The following CFAP299 variants were observed in gnomAD, a reference collection of about 807,000 sequenced individuals.
The protein encoded by CFAP299 is cilia- and flagella-associated protein 299.
CFAP299 carries 21 observed loss-of-function variants against 27.0 expected under a neutral mutation model. That is an observed-to-expected ratio of 0.78 (90% CI 0.55 to 1.12). The LOEUF (loss-of-function observed/expected upper bound fraction) is 1.12. Among genes scored for constraint, CFAP299 ranks in the 50% most tolerant of loss-of-function variants. CFAP299 has a pLI of 0.00. For synonymous variants in CFAP299, 104 were observed against 98.1 expected, an observed-to-expected ratio of 1.06 and a Z score of -0.36; for missense variants, 310 against 276.6, an observed-to-expected ratio of 1.12 and a Z score of -0.86.
chr4:80,907,396 A>G (rs1436902765), intron 4 of CFAP299, among the ~76,000 whole-genome samples: 1 of 152,124 alleles, frequency 6.6e-6, no homozygotes, highest in African/African-American at 2.4e-5. Context: ...TCACTTCCAC[A>G]TTTTTGGATA....
chr4:80,911,223 T>C (rs1735456972), intron 4 of CFAP299, among the ~76,000 whole-genome samples: 1 of 151,378 alleles, frequency 6.6e-6, no homozygotes, highest in Non-Finnish European at 1.5e-5. Flanking sequence ...GTTGTTTTTT[T>C]TTTTTTTCTT....
intron 2 of CFAP299, among the ~76,000 whole-genome samples, chr4:80,451,131 A>T (rs1355584441): frequency 6.6e-6 from 1 of 152,142 alleles, no homozygotes; most frequent in Admixed American, 6.5e-5. Context: ...TGGAGGCTGG[A>T]AGTCCAAGAT....
At chr4:80,642,233 T>C (rs1739763768) in intron 3 of CFAP299, among the ~76,000 whole-genome samples, 1 of 152,194 alleles carries the variant, frequency 6.6e-6, no homozygotes, top group African/African-American at 2.4e-5. Context: ...GGAGGGGATA[T>C]GGTGAACATA....
intron 3 of CFAP299, among the ~76,000 whole-genome samples, chr4:80,690,635 T>G (rs973269406): frequency 8.1e-4 from 123 of 152,062 alleles, no homozygotes; most frequent in African/African-American, 2.9e-3. Flanking sequence ...TTAAAAGAAC[T>G]AGAAAAGCAA....
intron 3 of CFAP299, among the ~76,000 whole-genome samples, chr4:80,585,211 A>C (rs754401284): frequency 2.0e-5 from 3 of 152,100 alleles, no homozygotes; most frequent in Non-Finnish European, 1.5e-5. Flanking sequence ...GAAAGAGGGT[A>C]GTCTTTGGAG....
chr4:80,708,922 AT>A (rs1244335870), intron 3 of CFAP299, among the ~76,000 whole-genome samples: 2 of 152,172 alleles, frequency 1.3e-5, no homozygotes, highest in Admixed American at 1.3e-4. Flanking sequence ...AAAGATTAAT[AT>A]AGGGAACCAG....
intron 2 of CFAP299, among the ~76,000 whole-genome samples, chr4:80,409,340 T>C (rs1390693964): frequency 6.6e-6 from 1 of 152,140 alleles, no homozygotes; most frequent in Non-Finnish European, 1.5e-5. Context: ...GTGTTTGTAA[T>C]ATGTAGTATT....
At chr4:80,830,999 C>T (rs1214930887) in intron 3 of CFAP299, among the ~76,000 whole-genome samples, 1 of 152,064 alleles carries the variant, frequency 6.6e-6, no homozygotes, top group Non-Finnish European at 1.5e-5. Context: ...TGTTGGCTAA[C>T]ATGTTCAGTG....
rs1449735143 is a variant in CFAP299, at chr4:80,799,429, A to C, written c.334-70564A>C. 1.1e-3 allele frequency among the ~76,000 whole-genome samples: 102 copies of C among 92,462 alleles called. 1 individual carries two copies. The highest frequency in any genetic ancestry group is 4.5e-3 in the African/African-American group (98 of 21,936). The allele number at this position is 92,462 out of a possible 152,430, so 60.7% of individuals were successfully genotyped here. A position where few individuals can be genotyped will look rare whatever the true frequency, so the allele number is the denominator to read the frequency against. On this transcript the variant is annotated intron_variant, in intron 3 of 5. Transcript: ENST00000358105. ...TTTATACATATAAGTAATATTTATA[A>C]TATATATAATATTTATAAAATATAT...
intron 3 of CFAP299, among the ~76,000 whole-genome samples, chr4:80,845,552 T>A (rs1002952190): frequency 1.4e-4 from 22 of 152,272 alleles, no homozygotes; most frequent in South Asian, 6.2e-4. Context: ...CAAGACTATT[T>A]CCTGCCTTAG....
At chr4:80,728,153 A>C (rs1052770327) in intron 3 of CFAP299, among the ~76,000 whole-genome samples, 1 of 152,120 alleles carries the variant, frequency 6.6e-6, no homozygotes, top group African/African-American at 2.4e-5. Flanking sequence ...GTCAAAGCTC[A>C]GTAAGTTATT....
At chr4:80,386,889 G>A (rs1374897780) in intron 2 of CFAP299, 6 of 846,884 alleles carry the variant, frequency 7.1e-6, no homozygotes, top group Admixed American at 5.2e-5. Context: ...CTCGCACACC[G>A]AGCATTTGTA....
At chr4:80,577,141 G>T (rs1458113593) in intron 2 of CFAP299, among the ~76,000 whole-genome samples, 3 of 152,096 alleles carry the variant, frequency 2.0e-5, no homozygotes, top group Admixed American at 2.0e-4. Context: ...TTGATATATT[G>T]TGAGCCTTCA....
intron 3 of CFAP299, among the ~76,000 whole-genome samples, chr4:80,735,709 C>T (rs1390603159): frequency 3.9e-5 from 6 of 151,934 alleles, no homozygotes; most frequent in African/African-American, 1.4e-4. Flanking sequence ...GGTTTTTGTC[C>T]TTCATTCTGT....
intron 3 of CFAP299, among the ~76,000 whole-genome samples, chr4:80,798,141 C>T (rs1727977847): frequency 6.6e-6 from 1 of 152,044 alleles, no homozygotes; most frequent in African/African-American, 2.4e-5. Flanking sequence ...TAGCACACCT[C>T]CTCATGGGGC....
intron 3 of CFAP299, among the ~76,000 whole-genome samples, chr4:80,797,458 C>A (rs897929992): frequency 7.2e-6 from 1 of 138,000 alleles, no homozygotes; most frequent in African/African-American, 2.7e-5. Flanking sequence ...ATACCGTGAT[C>A]AATTAGCCAA....
At chr4:80,335,951 G>A in intron 1 of CFAP299, 72 bp downstream of exon 1, 1 of 973,808 alleles carries the variant, frequency 1.0e-6, no homozygotes, top group East Asian at 2.4e-5. Flanking sequence ...CCGCTTCGTG[G>A]GCTGGTCGCC....
At chr4:80,803,478 A>G (rs1728713149) in intron 3 of CFAP299, among the ~76,000 whole-genome samples, 1 of 152,018 alleles carries the variant, frequency 6.6e-6, no homozygotes, top group Non-Finnish European at 1.5e-5. Flanking sequence ...TGTATACCAA[A>G]CTGGATCATA....
At chr4:80,680,901 G>A (rs1039007254) in intron 3 of CFAP299, among the ~76,000 whole-genome samples, 2 of 152,056 alleles carry the variant, frequency 1.3e-5, no homozygotes. Flanking sequence ...TATTGAAATG[G>A]GTTGCAGACT....
Sources: allele counts gnomAD v4.1 joint callset (sites outside exome capture counted in the v4.1 genomes callset), GRCh38; gene constraint gnomAD v4.1.1; transcripts MANE v1.5; gene names NCBI Gene and HGNC (gene_info 2026-07-23, HGNC 2026-07-21).